Variants in LRRC1 observed in about 807,000 individuals in gnomAD.
LRRC1 encodes the protein leucine rich repeat containing 1, also known as leucine-rich repeat-containing protein 1.
In LRRC1, 28 loss-of-function variants were observed where a neutral mutation model predicts 69.9. That is an observed-to-expected ratio of 0.40 (90% CI 0.30 to 0.55). LRRC1 has a LOEUF of 0.55. LRRC1 is among the 20% of genes least tolerant of loss of function. The pLI is 0.47. For synonymous variants in LRRC1, 236 were observed against 240.2 expected, an observed-to-expected ratio of 0.98 and a Z score of 0.16; for missense variants, 498 against 609.0, an observed-to-expected ratio of 0.82 and a Z score of 1.92.
At chr6:53,884,496 G>A (rs1254156541) in intron 4 of LRRC1, among the ~76,000 whole-genome samples, 1 of 152,080 alleles carries the variant, frequency 6.6e-6, no homozygotes, top group East Asian at 1.9e-4. Flanking sequence ...GACAGAGCAA[G>A]ACCCCATCCC....
At chr6:53,904,031 A>T (rs1420151443) in intron 9 of LRRC1, among the ~76,000 whole-genome samples, 2 of 152,210 alleles carry the variant, frequency 1.3e-5, no homozygotes, top group Non-Finnish European at 2.9e-5. Flanking sequence ...CCACTGTCCC[A>T]GTGTGGTCCT....
At chr6:53,810,083 A>G (rs111327092) in intron 1 of LRRC1, among the ~76,000 whole-genome samples, 12 of 152,212 alleles carry the variant, frequency 7.9e-5, no homozygotes, top group African/African-American at 2.7e-4. Context: ...AGTTGGAAAA[A>G]GAGGTTGGGA....
intron 1 of LRRC1, among the ~76,000 whole-genome samples, chr6:53,829,560 A>G (rs2127411860): frequency 1.3e-5 from 2 of 152,260 alleles, no homozygotes; most frequent in South Asian, 2.1e-4. Context: ...CCAGAGAGAA[A>G]AGGGGCCCAT....
intron 1 of LRRC1, among the ~76,000 whole-genome samples, chr6:53,830,736 C>A (rs1765402005): frequency 6.6e-6 from 1 of 151,798 alleles, no homozygotes; most frequent in South Asian, 2.1e-4. Context: ...GGAATGTAAA[C>A]CTATCTGGTT....
At chr6:53,830,971 T>C (rs1046732284) in intron 1 of LRRC1, among the ~76,000 whole-genome samples, 5 of 148,074 alleles carry the variant, frequency 3.4e-5, no homozygotes, top group Admixed American at 6.7e-5. Context: ...TAATATATAG[T>C]TATTATTGAA....
chr6:53,919,477 TAA>T lies in LRRC1; in HGVS notation c.1107-5_1107-4del, dbSNP rs59865937. The stretch of plus-strand genomic sequence containing the variant: ...TTTGAGGTTGTGATGTCTCTTTTTT[TAA>T]AAAAAAAAAAAAAAACAGGTTGCTG... On this transcript the variant is annotated intron_variant, in intron 11 of 13. Coordinates refer to ENST00000370888, the MANE Select transcript of LRRC1 (RefSeq NM_018214.5). 7.9e-4 allele frequency: 992 copies of T among 1,251,908 alleles called. No individual in the cohort carries two copies. The highest frequency in any genetic ancestry group is 1.8e-3 in the African/African-American group (110 of 60,584). 77.5% of individuals were successfully genotyped at this position (1,251,908 alleles called of 1,614,324 possible).
intron 2 of LRRC1, among the ~76,000 whole-genome samples, chr6:53,864,543 A>G (rs1766634704): frequency 6.6e-6 from 1 of 152,090 alleles, no homozygotes. Context: ...GCTCTTTCAC[A>G]TGTCAGCAGA....
chr6:53,891,921 G>A (rs1767696764), intron 4 of LRRC1, among the ~76,000 whole-genome samples: 1 of 151,610 alleles, frequency 6.6e-6, no homozygotes, highest in African/African-American at 2.4e-5. Context: ...GAACCCAGGA[G>A]GCGGAGGTTG....
intron 3 of LRRC1, 24 bp from the exon 4 acceptor site, chr6:53,882,863 T>TTTTG (rs766614792): frequency 2.7e-6 from 4 of 1,473,176 alleles, no homozygotes; most frequent in Non-Finnish European, 3.8e-6. Flanking sequence ...ATTTACAGCG[T>TTTTG]TTTGTTTGTT....
At chr6:53,802,217 A>C (rs1461827913) in intron 1 of LRRC1, among the ~76,000 whole-genome samples, 3 of 152,174 alleles carry the variant, frequency 2.0e-5, no homozygotes, top group Admixed American at 6.5e-5. Context: ...GTATGGAAAG[A>C]TCTTTGTTTC....
At chr6:53,829,506 T>C (rs1298316121) in intron 1 of LRRC1, among the ~76,000 whole-genome samples, 3 of 152,176 alleles carry the variant, frequency 2.0e-5, no homozygotes, top group Non-Finnish European at 4.4e-5. Flanking sequence ...AGGAAATCTT[T>C]GATGAGTTGT....
intron 13 of LRRC1, 22 bp downstream of exon 13, chr6:53,920,783 G>C: frequency 6.2e-7 from 1 of 1,613,852 alleles, no homozygotes; most frequent in East Asian, 2.2e-5. Flanking sequence ...CAGATTCTTT[G>C]CCTCTGTGGA....
chr6:53,801,645 C>G (rs1764488858), intron 1 of LRRC1, among the ~76,000 whole-genome samples: 1 of 152,116 alleles, frequency 6.6e-6, no homozygotes, highest in Non-Finnish European at 1.5e-5. Context: ...CTCCTCACCT[C>G]TCATACTTAA....
intron 4 of LRRC1, 46 bp from the exon 5 acceptor site, chr6:53,896,452 C>G: frequency 1.3e-6 from 2 of 1,524,222 alleles, no homozygotes; most frequent in East Asian, 4.5e-5. Context: ...TAGGAAGAAT[C>G]TCAGGAATTT....
chr6:53,917,251 G>C (rs551703915), intron 11 of LRRC1, among the ~76,000 whole-genome samples: 1 of 152,314 alleles, frequency 6.6e-6, no homozygotes, highest in South Asian at 2.1e-4. Flanking sequence ...TGGGCAGACT[G>C]TTCAGGGAAC....
chr6:53,906,562 C>G (rs1768244863), intron 10 of LRRC1, among the ~76,000 whole-genome samples: 1 of 152,332 alleles, frequency 6.6e-6, no homozygotes, highest in Middle Eastern at 3.4e-3. Context: ...ATAAAACTTT[C>G]ACCATCATTT....
chr6:53,824,434 G>C (rs774286412), intron 1 of LRRC1, among the ~76,000 whole-genome samples: 11 of 152,004 alleles, frequency 7.2e-5, no homozygotes, highest in Non-Finnish European at 1.3e-4. Flanking sequence ...TCATTCTGCA[G>C]GTTCTCTGTT....
At position 53,923,313 on chromosome 6, in the gene LRRC1, A is replaced by C. The variant is rs1768794163; in HGVS notation, c.*520A>C. ...TTTCTTTTTTGTTATTTTATCTTGA[A>C]AACGGTACATATTTTAGTATTTGTG... On this transcript the variant is annotated 3_prime_UTR_variant, in exon 14 of 14. Transcript: ENST00000370888. 1 of 152,714 alleles carries C rather than the reference A, an allele frequency of 6.5e-6. No homozygotes were observed. The highest frequency in any genetic ancestry group is 1.5e-5 in the Non-Finnish European group (1 of 68,098). 9.5% of individuals were successfully genotyped at this position (152,714 alleles called of 1,614,324 possible). A position where few individuals can be genotyped will look rare whatever the true frequency, so the allele number is the denominator to read the frequency against.
At chr6:53,906,894 T>TA (rs1486635850) in intron 10 of LRRC1, among the ~76,000 whole-genome samples, 1 of 152,208 alleles carries the variant, frequency 6.6e-6, no homozygotes, top group East Asian at 1.9e-4. Context: ...ACCTCCTACT[T>TA]ACATACACTC....
Sources: gnomAD v4.1 joint callset for allele counts (sites outside exome capture counted in the v4.1 genomes callset) on GRCh38, gnomAD v4.1.1 for gene constraint, MANE v1.5 for transcripts, NCBI Gene and HGNC (gene_info 2026-07-23, HGNC 2026-07-21) for gene names.